DNAH9: variants seen among roughly 807,000 people sequenced by gnomAD.
DNAH9 encodes DNAH9 variant protein.
A neutral mutation model predicts 471.6 loss-of-function variants in DNAH9; 345 were observed. That is an observed-to-expected ratio of 0.73 (90% CI 0.67 to 0.80). The LOEUF is 0.80. Among genes scored for constraint, DNAH9 ranks in the 30% least tolerant of loss-of-function variants. DNAH9 has a pLI of 0.00. For missense variants in DNAH9, 5,407 were observed against 5,609.2 expected, an observed-to-expected ratio of 0.96 and a Z score of 1.15; for synonymous variants, 2,093 against 2,123.6, an observed-to-expected ratio of 0.99 and a Z score of 0.40.
At chr17:11,722,477 G>A (rs1230437290) in intron 27 of DNAH9, among the ~76,000 whole-genome samples, 1 of 152,204 alleles carries the variant, frequency 6.6e-6, no homozygotes, top group African/African-American at 2.4e-5. Context: ...TGTGGTAGTA[G>A]ACATGGAAAA....
chr17:11,719,235 C>G lies in DNAH9; in HGVS notation c.5553-99C>G, dbSNP rs1597536648. On this transcript the variant is annotated intron_variant, in intron 26 of 68. Transcript: ENST00000262442. ...AAAAAGGGGCAGGGCTCTTGGCTTTCTTTTCAGAAGCTATGCCAGATCTCA... is the reference window on the plus strand; with the variant it reads ...AAAAAGGGGCAGGGCTCTTGGCTTTGTTTTCAGAAGCTATGCCAGATCTCA... The G allele has an allele frequency of 5.5e-6, 7 of 1,269,098 alleles. No individual in the cohort carries two copies. In the East Asian group the frequency reaches 1.7e-4, roughly 31 times the overall value. The allele number at this position is 1,269,098 out of a possible 1,614,324, so 78.6% of individuals were successfully genotyped here.
chr17:11,708,634 A>C (rs1233654073), intron 26 of DNAH9, among the ~76,000 whole-genome samples: 1 of 151,192 alleles, frequency 6.6e-6, no homozygotes, highest in African/African-American at 2.4e-5. Context: ...TTCAGACTGG[A>C]CTCCTCTAGT....
intron 7 of DNAH9, among the ~76,000 whole-genome samples, chr17:11,630,760 A>G (rs1294648555): frequency 6.6e-6 from 1 of 152,222 alleles, no homozygotes; most frequent in African/African-American, 2.4e-5. Context: ...AAATTCGCCA[A>G]AAGGGTAGAT....
chr17:11,779,695 C>T (rs1167401831), intron 38 of DNAH9, among the ~76,000 whole-genome samples: 1 of 152,182 alleles, frequency 6.6e-6, no homozygotes, highest in Non-Finnish European at 1.5e-5. Context: ...GAACTGTTCT[C>T]AAAAGCATGT....
At chr17:11,605,516 C>T (rs999557028) in intron 1 of DNAH9, among the ~76,000 whole-genome samples, 15 of 151,342 alleles carry the variant, frequency 9.9e-5, no homozygotes, top group African/African-American at 2.9e-4. Context: ...GTTGTTGTTT[C>T]GAGACAGGGT....
At chr17:11,757,496 T>C (rs759635686) in intron 34 of DNAH9, 49 bp from the exon 35 acceptor site, 4 of 1,502,230 alleles carry the variant, frequency 2.7e-6, no homozygotes, top group Non-Finnish European at 3.7e-6. Flanking sequence ...GTGAAAAATA[T>C]AATGATGTAT....
chr17:11,636,505 C>T (rs2073169545), intron 8 of DNAH9, 129 bp from the exon 9 acceptor site: 1 of 648,968 alleles, frequency 1.5e-6, no homozygotes, highest in Non-Finnish European at 2.7e-6. Context: ...GGTCCAGCTC[C>T]ACAATAACAC....
chr17:11,801,761 A>C (rs750433548), intron 43 of DNAH9, among the ~76,000 whole-genome samples: 1 of 152,194 alleles, frequency 6.6e-6, no homozygotes, highest in Admixed American at 6.5e-5. Context: ...AAGAGCCACC[A>C]GTATGTCTGT....
intron 53 of DNAH9, among the ~76,000 whole-genome samples, chr17:11,876,406 C>T (rs1029823407): frequency 3.3e-5 from 5 of 151,612 alleles, no homozygotes; most frequent in Non-Finnish European, 5.9e-5. Flanking sequence ...CACCCATGTA[C>T]CCATAAAAAT....
intron 42 of DNAH9, among the ~76,000 whole-genome samples, chr17:11,795,651 T>A (rs1033778008): frequency 6.6e-6 from 1 of 152,246 alleles, no homozygotes; most frequent in African/African-American, 2.4e-5. Context: ...TTAGATGCCC[T>A]TCTCTGAGCA....
intron 12 of DNAH9, among the ~76,000 whole-genome samples, chr17:11,648,902 G>A (rs563550332): frequency 3.5e-4 from 54 of 152,190 alleles, no homozygotes; most frequent in Middle Eastern, 6.8e-3. Flanking sequence ...GAGGTGAGTG[G>A]ATCACCTGAG....
rs1972260700 is a variant in DNAH9, at chr17:11,871,517, G to T, written c.10054-81G>T. On this transcript the variant is annotated intron_variant, in intron 51 of 68. Transcript: ENST00000262442. ...TCTTCCCGCTATGAAGCGTGCAGCG[G>T]GCGCTCTCCATGATGGAATCACGGC... 5 of 1,282,774 alleles carry T rather than the reference G, an allele frequency of 3.9e-6. No individual in the cohort carries two copies. In the South Asian group the frequency reaches 6.6e-5, roughly 17 times the overall value. The allele number at this position is 1,282,774 out of a possible 1,614,324, so 79.5% of individuals were successfully genotyped here. A position where few individuals can be genotyped will look rare whatever the true frequency, so the allele number is the denominator to read the frequency against.
At chr17:11,902,954 C>A (rs1375159710) in intron 60 of DNAH9, 42 bp downstream of exon 60, 1 of 1,581,822 alleles carries the variant, frequency 6.3e-7, no homozygotes. Flanking sequence ...AGGCATGGGG[C>A]AAGGGCAACC....
intron 57 of DNAH9, among the ~76,000 whole-genome samples, chr17:11,889,490 C>T (rs1567878456): frequency 6.6e-6 from 1 of 151,998 alleles, no homozygotes; most frequent in African/African-American, 2.4e-5. Flanking sequence ...GGATGCTGCC[C>T]CCCTAGATTG....
intron 23 of DNAH9, among the ~76,000 whole-genome samples, chr17:11,700,520 C>T (rs897692349): frequency 6.6e-6 from 1 of 152,100 alleles, no homozygotes; most frequent in Non-Finnish European, 1.5e-5. Context: ...ATTTATTTAT[C>T]GTCTGAAATG....
chr17:11,696,702 T>C (rs1198730057), intron 22 of DNAH9, among the ~76,000 whole-genome samples: 5 of 152,238 alleles, frequency 3.3e-5, no homozygotes, highest in Non-Finnish European at 7.3e-5. Context: ...CTGATAGTTA[T>C]AGCAGTTCTT....
In DNAH9 at chr17:11,902,710, A is replaced by G. The variant is rs773614274; in HGVS notation, c.11407-9A>G. Reference sequence around the variant, plus strand: ...GAAACTGCATTTCAGATTCTCTGAAATTTCCCAGGTACTTTCATCAATGGA... The same window carrying G: ...GAAACTGCATTTCAGATTCTCTGAAGTTTCCCAGGTACTTTCATCAATGGA... On this transcript the variant is annotated splice_polypyrimidine_tract_variant and intron_variant, in intron 59 of 68. Transcript: ENST00000262442. 1 of 1,605,562 alleles carries G rather than the reference A, an allele frequency of 6.2e-7. No individual in the cohort carries two copies. Among genetic ancestry groups the G allele is most frequent in the Non-Finnish European group, 8.5e-7 (1 of 1,175,898 alleles).
intron 22 of DNAH9, 82 bp from the exon 23 acceptor site, chr17:11,699,649 C>G (rs1169294422): frequency 1.6e-6 from 2 of 1,269,026 alleles, no homozygotes; most frequent in Non-Finnish European, 2.3e-6. Flanking sequence ...CAATGATTGC[C>G]ACATGGTAGG....
intron 67 of DNAH9, among the ~76,000 whole-genome samples, chr17:11,943,669 T>TC (rs1007174713): frequency 1.3e-5 from 2 of 152,020 alleles, no homozygotes; most frequent in African/African-American, 4.8e-5. Flanking sequence ...AGAGCAAGAC[T>TC]CCGTCTCAAA....
Sources: allele counts gnomAD v4.1 joint callset (sites outside exome capture counted in the v4.1 genomes callset), GRCh38; gene constraint gnomAD v4.1.1; transcripts MANE v1.5; gene names NCBI Gene and HGNC (gene_info 2026-07-23, HGNC 2026-07-21).